Variants in GALNTL6 observed in about 807,000 individuals in gnomAD.
The protein encoded by GALNTL6 is polypeptide N-acetylgalactosaminyltransferase like 6.
Under a neutral mutation model 73.7 loss-of-function variants are expected in GALNTL6, and 46 were observed. The observed-to-expected ratio is 0.62, with a 90% CI of 0.49 to 0.80. The LOEUF (loss-of-function observed/expected upper bound fraction) is 0.80, where lower values mean the gene tolerates loss of function less well. Among genes scored for constraint, GALNTL6 ranks in the 30% least tolerant of loss-of-function variants. The pLI is 0.00. For missense variants in GALNTL6, 604 were observed against 755.0 expected, an observed-to-expected ratio of 0.80 and a Z score of 2.34; for synonymous variants, 259 against 263.7, an observed-to-expected ratio of 0.98 and a Z score of 0.17.
chr4:172,975,395 A>T (rs1467486579), intron 10 of GALNTL6, among the ~76,000 whole-genome samples: 1 of 152,206 alleles, frequency 6.6e-6, no homozygotes, highest in Non-Finnish European at 1.5e-5. Context: ...TAGTCCCCAC[A>T]TCTGTCTGAG....
At chr4:172,820,257 A>AACTT (rs368185819) in intron 7 of GALNTL6, among the ~76,000 whole-genome samples, 1 of 152,218 alleles carries the variant, frequency 6.6e-6, no homozygotes, top group East Asian at 1.9e-4. Context: ...ATTGAGGATC[A>AACTT]ACTTACTTGA....
chr4:172,790,746 T>C (rs1048113718), intron 5 of GALNTL6, among the ~76,000 whole-genome samples: 24 of 151,774 alleles, frequency 1.6e-4, no homozygotes, highest in African/African-American at 5.8e-4. Context: ...CAAAAAAAAT[T>C]AGCTGGGCAT....
chr4:173,014,995 G>A (rs1283928140), intron 11 of GALNTL6, among the ~76,000 whole-genome samples: 7 of 152,178 alleles, frequency 4.6e-5, no homozygotes, highest in African/African-American at 1.4e-4. Flanking sequence ...CCTTCATGCT[G>A]TTTTCCTGAT....
At chr4:172,326,036 T>C (rs1740929469) in intron 4 of GALNTL6, among the ~76,000 whole-genome samples, 1 of 151,714 alleles carries the variant, frequency 6.6e-6, no homozygotes, top group Non-Finnish European at 1.5e-5. Flanking sequence ...CTAAAAATCA[T>C]TAACAGAGGG....
chr4:172,633,972 A>G (rs1014778856), intron 5 of GALNTL6, among the ~76,000 whole-genome samples: 2 of 152,146 alleles, frequency 1.3e-5, no homozygotes, highest in Non-Finnish European at 2.9e-5. Context: ...AGATGTGTGG[A>G]ACTGGGAGTC....
chr4:172,273,543 A>G (rs1189681261), intron 3 of GALNTL6, among the ~76,000 whole-genome samples: 3 of 152,210 alleles, frequency 2.0e-5, no homozygotes, highest in Non-Finnish European at 4.4e-5. Context: ...TGCACATAAT[A>G]CAATGGAAAC....
chr4:172,482,298 G>C (rs556248853), intron 5 of GALNTL6, among the ~76,000 whole-genome samples: 6 of 152,200 alleles, frequency 3.9e-5, no homozygotes, highest in Admixed American at 6.5e-5. Context: ...TCCAGCCTCC[G>C]ACAGCCCAGA....
At chr4:171,958,098 G>A (rs1739111271) in intron 2 of GALNTL6, among the ~76,000 whole-genome samples, 1 of 152,120 alleles carries the variant, frequency 6.6e-6, no homozygotes, top group Non-Finnish European at 1.5e-5. Context: ...GTACATATAC[G>A]TTAGACAGTT....
At chr4:172,259,110 T>C (rs1738172728) in intron 3 of GALNTL6, among the ~76,000 whole-genome samples, 1 of 151,320 alleles carries the variant, frequency 6.6e-6, no homozygotes, top group African/African-American at 2.4e-5. Context: ...TCTTTTCTTC[T>C]GGGTGGGTAC....
chr4:172,748,937 G>A (rs890839616), intron 5 of GALNTL6, among the ~76,000 whole-genome samples: 2 of 151,328 alleles, frequency 1.3e-5, no homozygotes, highest in Non-Finnish European at 2.9e-5. Context: ...TTAAGACAAG[G>A]TCTACTCTGT....
At chr4:172,178,328 G>A (rs72700984) in intron 2 of GALNTL6, among the ~76,000 whole-genome samples, 53,877 of 151,824 alleles carry the variant, frequency 0.35, 9,722 homozygotes, top group Middle Eastern at 0.39. Flanking sequence ...GGATACATGT[G>A]CAGAACATGC....
At chr4:172,363,562 T>A (rs1481311773) in intron 5 of GALNTL6, among the ~76,000 whole-genome samples, 4 of 152,162 alleles carry the variant, frequency 2.6e-5, no homozygotes, top group Non-Finnish European at 5.9e-5. Context: ...ACCTTTGGAA[T>A]CATTCTTCAT....
At chr4:172,467,002 T>C (rs1732847890) in intron 5 of GALNTL6, among the ~76,000 whole-genome samples, 2 of 152,214 alleles carry the variant, frequency 1.3e-5, no homozygotes, top group Admixed American at 6.5e-5. Context: ...TATTATTAAC[T>C]GTCTGGGAGG....
rs537877424 is a variant in GALNTL6 at position 172,259,692 on chromosome 4, T to A, written c.247+29928T>A. Among the ~76,000 whole-genome samples the A allele has an allele frequency of 5.3e-5, 8 of 151,826 alleles. No homozygotes were observed. In the South Asian group the frequency reaches 1.4e-3, roughly 27 times the overall value. ...CATGAACTCTTTGCCTAACCCAATG[T>A]CTAGAAGAGTTTTTCCAATGTTATC... On this transcript the variant is annotated intron_variant, in intron 3 of 12. Coordinates refer to ENST00000506823, the MANE Select transcript of GALNTL6 (RefSeq NM_001034845.3).
At chr4:172,172,087 A>C (rs1734848359) in intron 2 of GALNTL6, among the ~76,000 whole-genome samples, 1 of 152,178 alleles carries the variant, frequency 6.6e-6, no homozygotes. Context: ...TCAGAATGTG[A>C]CTGTATTTGT....
intron 2 of GALNTL6, among the ~76,000 whole-genome samples, chr4:171,953,521 A>G (rs1158101523): frequency 6.6e-6 from 1 of 152,184 alleles, no homozygotes; most frequent in Non-Finnish European, 1.5e-5. Context: ...TTTAATTATC[A>G]ATATGGAAGT....
chr4:171,877,045 C>A (rs1301372153), intron 2 of GALNTL6, among the ~76,000 whole-genome samples: 1 of 152,096 alleles, frequency 6.6e-6, no homozygotes, highest in Admixed American at 6.6e-5. Flanking sequence ...CCTCATTAGG[C>A]TGAGAATGTT....
intron 2 of GALNTL6, among the ~76,000 whole-genome samples, chr4:172,017,926 ACT>A (rs1234530938): frequency 6.6e-6 from 1 of 151,932 alleles, no homozygotes; most frequent in African/African-American, 2.4e-5. Flanking sequence ...AGTGATGTAG[ACT>A]CTGAAAATCA....
intron 5 of GALNTL6, among the ~76,000 whole-genome samples, chr4:172,661,183 A>T (rs1579303320): frequency 6.6e-6 from 1 of 152,148 alleles, no homozygotes; most frequent in Non-Finnish European, 1.5e-5. Flanking sequence ...TGGGCCTCAT[A>T]CAATCAGTTG....
Sources: gnomAD v4.1 joint callset for allele counts (sites outside exome capture counted in the v4.1 genomes callset) on GRCh38, gnomAD v4.1.1 for gene constraint, MANE v1.5 for transcripts, NCBI Gene and HGNC (gene_info 2026-07-23, HGNC 2026-07-21) for gene names.